Variants in ZNF407 observed in about 807,000 individuals in gnomAD.
ZNF407 encodes zinc finger protein 407.
A neutral mutation model predicts 131.2 loss-of-function variants in ZNF407; 17 were observed. That is an observed-to-expected ratio of 0.13 (90% CI 0.09 to 0.19). The LOEUF (loss-of-function observed/expected upper bound fraction) is 0.19. Ranked by LOEUF, ZNF407 falls within the 10% of genes least tolerant of loss-of-function variation. The pLI, the probability that ZNF407 is intolerant of heterozygous loss-of-function variation, is 1.00. For missense variants in ZNF407, 2,681 were observed against 2,830.6 expected (o/e 0.95, Z 1.20); for synonymous variants, 1,156 against 1,062.0 (o/e 1.09, Z -1.72).
chr18:74,873,003 C>G (rs1599212040), intron 4 of ZNF407, among the ~76,000 whole-genome samples: 1 of 144,208 alleles, frequency 6.9e-6, no homozygotes, highest in African/African-American at 2.9e-5. Flanking sequence ...AGGATACTTA[C>G]CTTAGTAATG....
At chr18:74,618,229 C>A (rs1190905022) in intron 1 of ZNF407, among the ~76,000 whole-genome samples, 4 of 152,128 alleles carry the variant, frequency 2.6e-5, no homozygotes, top group Non-Finnish European at 5.9e-5. Context: ...ATGCTCCAAG[C>A]TTACCTTGTG....
At chr18:75,024,938 A>G (rs901691489) in intron 8 of ZNF407, among the ~76,000 whole-genome samples, 2 of 152,208 alleles carry the variant, frequency 1.3e-5, no homozygotes, top group African/African-American at 4.8e-5. Context: ...AACGAAGACT[A>G]TTTCCATCTG....
intron 2 of ZNF407, among the ~76,000 whole-genome samples, chr18:74,640,461 G>A (rs905220281): frequency 6.6e-6 from 1 of 151,936 alleles, no homozygotes; most frequent in Non-Finnish European, 1.5e-5. Flanking sequence ...TATAAATTGT[G>A]TTATTAAAAA....
At chr18:74,809,540 A>G (rs1324709869) in intron 4 of ZNF407, among the ~76,000 whole-genome samples, 2 of 152,204 alleles carry the variant, frequency 1.3e-5, no homozygotes. Flanking sequence ...GGAGCAAGGT[A>G]GATGATGGGC....
chr18:74,847,790 A>T (rs1241815658), intron 4 of ZNF407, among the ~76,000 whole-genome samples: 1 of 151,522 alleles, frequency 6.6e-6, no homozygotes, highest in African/African-American at 2.4e-5. Context: ...CCTTTAAAGA[A>T]TTTTTTGTCA....
At chr18:74,681,303 A>T (rs1386335587) in intron 3 of ZNF407, among the ~76,000 whole-genome samples, 2 of 152,076 alleles carry the variant, frequency 1.3e-5, no homozygotes, top group South Asian at 4.2e-4. Flanking sequence ...TGGTGTGATC[A>T]TAGCTCACTG....
intron 3 of ZNF407, among the ~76,000 whole-genome samples, chr18:74,694,478 G>A (rs1158527386): frequency 2.8e-5 from 4 of 143,308 alleles, no homozygotes; most frequent in African/African-American, 1.0e-4. Flanking sequence ...TTCACCTCAT[G>A]TATGCATGAC....
chr18:74,656,781 A>G (rs1985477449), intron 3 of ZNF407, among the ~76,000 whole-genome samples: 1 of 152,220 alleles, frequency 6.6e-6, no homozygotes, highest in African/African-American at 2.4e-5. Flanking sequence ...AGTAATGTAT[A>G]GATTATTTAC....
chr18:74,949,520 A>G (rs1235014182), intron 8 of ZNF407, among the ~76,000 whole-genome samples: 3 of 152,206 alleles, frequency 2.0e-5, no homozygotes, highest in Admixed American at 6.5e-5. Flanking sequence ...TTATGAGGAA[A>G]GCAAAATCCC....
At chr18:74,805,914 C>T (rs1289516536) in intron 4 of ZNF407, among the ~76,000 whole-genome samples, 2 of 152,184 alleles carry the variant, frequency 1.3e-5, no homozygotes, top group Non-Finnish European at 2.9e-5. Context: ...GACTCGTCCT[C>T]TTTCATTCTT....
At chr18:74,702,444 AAC>A (rs1427401883) in intron 3 of ZNF407, among the ~76,000 whole-genome samples, 10 of 152,182 alleles carry the variant, frequency 6.6e-5, no homozygotes, top group Non-Finnish European at 1.5e-4. Flanking sequence ...TATACTGAAA[AAC>A]ACATATTACA....
At chr18:75,019,362 G>T (rs562249602) in intron 8 of ZNF407, among the ~76,000 whole-genome samples, 1 of 152,306 alleles carries the variant, frequency 6.6e-6, no homozygotes, top group African/African-American at 2.4e-5. Flanking sequence ...TCAGCTGGCA[G>T]TGCGACTTGA....
intron 8 of ZNF407, among the ~76,000 whole-genome samples, chr18:75,048,000 C>T (rs2122256240): frequency 6.6e-6 from 1 of 152,298 alleles, no homozygotes; most frequent in East Asian, 1.9e-4. Context: ...TTCTTTTCTT[C>T]GTTATAGTAA....
At chr18:74,714,500 T>C (rs1967844473) in intron 3 of ZNF407, among the ~76,000 whole-genome samples, 1 of 152,264 alleles carries the variant, frequency 6.6e-6, no homozygotes, top group African/African-American at 2.4e-5. Flanking sequence ...GTATAATTTA[T>C]TTTTCCTTTT....
chr18:75,023,297 AAAATT>A (rs1191751233), intron 8 of ZNF407, among the ~76,000 whole-genome samples: 6 of 152,142 alleles, frequency 3.9e-5, no homozygotes, highest in Non-Finnish European at 8.8e-5. Flanking sequence ...AAAATAAAAT[AAAATT>A]ACCACTTAGC....
At chr18:74,671,978 T>C (rs886398786) in intron 3 of ZNF407, among the ~76,000 whole-genome samples, 2 of 152,240 alleles carry the variant, frequency 1.3e-5, no homozygotes, top group African/African-American at 4.8e-5. Context: ...GCATCTAGGT[T>C]GATTCCATGT....
At chr18:74,766,569 A>G (rs771706263) in intron 3 of ZNF407, among the ~76,000 whole-genome samples, 100 of 152,326 alleles carry the variant, frequency 6.6e-4, no homozygotes, top group Middle Eastern at 3.4e-3. Context: ...AAATTCTAGG[A>G]AATGGAATTT....
intron 3 of ZNF407, among the ~76,000 whole-genome samples, chr18:74,766,362 G>C (rs1364307276): frequency 6.6e-6 from 1 of 152,188 alleles, no homozygotes; most frequent in Non-Finnish European, 1.5e-5. Context: ...ACTTACCCAT[G>C]AGGTTCAGGA....
intron 8 of ZNF407, among the ~76,000 whole-genome samples, chr18:74,941,193 G>A (rs1014805790): frequency 2.0e-5 from 3 of 152,208 alleles, no homozygotes; most frequent in African/African-American, 4.8e-5. Context: ...AGTGGTTTCT[G>A]TAATGTACTT....
Sources: gnomAD v4.1 joint callset for allele counts (sites outside exome capture counted in the v4.1 genomes callset) on GRCh38, gnomAD v4.1.1 for gene constraint, MANE v1.5 for transcripts, NCBI Gene and HGNC (gene_info 2026-07-23, HGNC 2026-07-21) for gene names.